DENND3: variants seen among roughly 807,000 people sequenced by gnomAD.
The protein encoded by DENND3 is DENN domain-containing protein 3.
A neutral mutation model predicts 135.1 loss-of-function variants in DENND3; 88 were observed. The observed-to-expected ratio is 0.65, with a 90% CI of 0.55 to 0.78. DENND3 has a LOEUF of 0.78. DENND3 is among the 30% of genes least tolerant of loss of function. DENND3 has a pLI of 0.00. For missense variants in DENND3, 1,392 were observed against 1,688.4 expected (o/e 0.82, Z 3.08); for synonymous variants, 693 against 712.3 (o/e 0.97, Z 0.43).
At chr8:141,189,439 C>T (rs917175343) in intron 19 of DENND3, among the ~76,000 whole-genome samples, 7 of 152,250 alleles carry the variant, frequency 4.6e-5, no homozygotes, top group Non-Finnish European at 8.8e-5. Flanking sequence ...AGGGCACAGC[C>T]TCCCAGAGGT....
rs575423208 is a variant in DENND3, at chr8:141,136,702, T to C, written c.296T>C (p.Leu99Pro). The change falls in exon 2 of 23, where the codon CTC becomes CCC. Residue 99 changes from leucine to proline, a missense_variant. Leu to Pro is a moderately conservative substitution (Grantham distance 98). Transcript: ENST00000519811. Reference sequence around the variant, plus strand: ...CCCAGACCAGAGCAGTGGAAGGGCCTCCCGGGGCCCCCCAGAGCGCCAGAG... The same window carrying C: ...CCCAGACCAGAGCAGTGGAAGGGCCCCCCGGGGCCCCCCAGAGCGCCAGAG... The part of the protein sequence containing the change: ...EKPRPEQWKG[L>P]PGPPRAPEPE... 4 of 1,612,674 alleles carry C rather than the reference T, an allele frequency of 2.5e-6. No homozygotes were observed. The Admixed American group carries it at 6.7e-5, about 27-fold the overall frequency.
Position 141,194,277 on chromosome 8 carries a change from G to T in DENND3, c.*44G>T. ...AGTGGAACTGTGCCCTATGTGTGGG[G>T]ACTGGCTGCCCCCTAGAGCCTGCCA... On this transcript the variant is annotated 3_prime_UTR_variant, in exon 23 of 23. Coordinates refer to ENST00000519811, the MANE Select transcript of DENND3 (RefSeq NM_001352890.3). 2 of 1,591,024 alleles carry T rather than the reference G, an allele frequency of 1.3e-6. No homozygotes were observed. The highest frequency in any genetic ancestry group is 1.1e-5 in the South Asian group (1 of 87,776).
rs1442457686 is a variant in DENND3 at position 141,186,385 on chromosome 8, C to A, written c.3084+1107C>A. ...AGGGCCCAGCAAAACTCAGTGTCCA[C>A]TCGTCACACATTATTCCTCTCACTT... On this transcript the variant is annotated intron_variant, in intron 18 of 22. Transcript: ENST00000519811. 3.9e-5 allele frequency among the ~76,000 whole-genome samples: 6 copies of A among 152,340 alleles called. No homozygotes were observed. In the East Asian group the frequency reaches 1.2e-3, roughly 29 times the overall value.
Position 141,154,526 on chromosome 8 carries a change from A to G in DENND3, c.1075-1323A>G, listed in dbSNP as rs1216309294. ...TGCAGTGTTTGTTCCAGGGTAGGAG[A>G]AACCTTGTCAACAACATGTATTGGA... On this transcript the variant is annotated intron_variant, in intron 7 of 22. Transcript: ENST00000519811. This position sits in a 1 kb window ranked among gnomAD's most constrained non-coding sequence, Gnocchi z 4.4. Among the ~76,000 whole-genome samples the G allele has an allele frequency of 6.6e-6, 1 of 151,892 alleles. No homozygotes were observed. Among genetic ancestry groups the G allele is most frequent in the Non-Finnish European group, 1.5e-5 (1 of 67,984 alleles).
At position 141,137,735 on chromosome 8, in the gene DENND3, G is replaced by A. The variant is rs912067752; in HGVS notation, c.386-287G>A. ...AACTTGGTGCTATTTCCTGGTCACA[G>A]GGATTATAAACCTGGGACAGGCGCC... On this transcript the variant is annotated intron_variant, in intron 2 of 22. Transcript: ENST00000519811. This position sits in a 1 kb window ranked among gnomAD's most constrained non-coding sequence, Gnocchi z 4.1. 5.3e-5 allele frequency among the ~76,000 whole-genome samples: 8 copies of A among 152,242 alleles called. No individual in the cohort carries two copies. The highest frequency in any genetic ancestry group is 1.7e-4 in the African/African-American group (7 of 41,462).
rs1465503164 is a variant in DENND3, at chr8:141,168,255, C to T, written c.2005C>T (p.Arg669Trp). 5.6e-6 allele frequency: 9 copies of T among 1,614,006 alleles called. No homozygotes were observed. Among genetic ancestry groups the T allele is most frequent in the Non-Finnish European group, 5.9e-6 (7 of 1,180,030 alleles). The change falls in exon 13 of 23, where the codon CGG (arginine) becomes TGG (tryptophan). Residue 669 changes from arginine to tryptophan, a missense_variant. Physicochemically the swap from Arg to Trp is moderately radical, Grantham distance 101. Transcript: ENST00000519811. The surrounding 1 kb of genome is among the most constrained non-coding windows in gnomAD (Gnocchi z 6.2). Reference protein sequence around the residue: ...DFQNLYKTDIRIFPTDLVKRT... With the variant: ...DFQNLYKTDIWIFPTDLVKRT... The stretch of plus-strand genomic sequence containing the variant: ...CCAGAATCTGTATAAAACAGACATA[C>T]GGATCTTTCCCACTGATTTGGTGAA...
At position 141,139,182 on chromosome 8, in the gene DENND3, C is replaced by T. The variant is rs1288350973; in HGVS notation, c.501+1045C>T. On this transcript the variant is annotated intron_variant, in intron 3 of 22. Coordinates refer to ENST00000519811, the MANE Select transcript of DENND3 (RefSeq NM_001352890.3). This position sits in a 1 kb window ranked among gnomAD's most constrained non-coding sequence, Gnocchi z 4.2. ...GGGAAGTCTGTGAGTTCCATGCAGT[C>T]GAGAGAAATGGCTGGCCTGGATTCC... Among the ~76,000 whole-genome samples the T allele has an allele frequency of 1.3e-5, 2 of 152,084 alleles. No homozygotes were observed. The highest frequency in any genetic ancestry group is 4.8e-5 in the African/African-American group (2 of 41,392).
chr8:141,136,170 G>A (rs1816763655), intron 1 of DENND3, among the ~76,000 whole-genome samples: 1 of 152,228 alleles, frequency 6.6e-6, no homozygotes, highest in South Asian at 2.1e-4. Context: ...GAAGCTTGCT[G>A]TCAGGAGGTG....
chr8:141,169,585 C>A (rs1311680940), intron 13 of DENND3, among the ~76,000 whole-genome samples: 1 of 152,210 alleles, frequency 6.6e-6, no homozygotes, highest in Non-Finnish European at 1.5e-5. Flanking sequence ...GTGCTTAGAC[C>A]CAGCGGGGGC....
chr8:141,188,071 G>A (rs1163458528), intron 18 of DENND3, among the ~76,000 whole-genome samples: 5 of 151,596 alleles, frequency 3.3e-5, no homozygotes, highest in Non-Finnish European at 7.4e-5. Context: ...GCCAGGCGTG[G>A]TGGCATCAGC....
At position 141,144,127 on chromosome 8, in the gene DENND3, G is replaced by A. The variant is rs369050051; in HGVS notation, c.624-21G>A. ...TTCTCATCTTTATTTTGCGGTTTGA[G>A]TTTTGTGTTTCGAATTTCAGTTTAT... On this transcript the variant is annotated intron_variant, in intron 4 of 22. Coordinates refer to ENST00000519811, the MANE Select transcript of DENND3 (RefSeq NM_001352890.3). This position sits in a 1 kb window ranked among gnomAD's most constrained non-coding sequence, Gnocchi z 4.4. 2.3e-5 allele frequency: 36 copies of A among 1,597,022 alleles called. No homozygotes were observed. The highest frequency in any genetic ancestry group is 2.8e-5 in the Non-Finnish European group (33 of 1,170,796).
chr8:141,138,813 C>G lies in DENND3; in HGVS notation c.501+676C>G, dbSNP rs559729482. On this transcript the variant is annotated intron_variant, in intron 3 of 22. Coordinates refer to ENST00000519811, the MANE Select transcript of DENND3 (RefSeq NM_001352890.3). The surrounding 1 kb of genome is among the most constrained non-coding windows in gnomAD (Gnocchi z 4.8). ...GTTTTGATGTTCATGTGCATGGGCG[C>G]GTGTGCCAGTGCCCCGTGGCCTTTT... 6.6e-6 allele frequency among the ~76,000 whole-genome samples: 1 copy of G among 152,220 alleles called. No homozygotes were observed. The highest frequency in any genetic ancestry group is 1.5e-5 in the Non-Finnish European group (1 of 68,036).
chr8:141,160,582 C>A, intron 8 of DENND3, 50 bp from the exon 9 acceptor site: 1 of 1,531,012 alleles, frequency 6.5e-7, no homozygotes, highest in Non-Finnish European at 8.8e-7. Context: ...GGTGAGCGGC[C>A]GTGGCCAGTG....
In DENND3 at chr8:141,172,834, C is replaced by G. The variant is rs142863792; in HGVS notation, c.2276-2366C>G. 2.9e-3 allele frequency among the ~76,000 whole-genome samples: 447 copies of G among 152,180 alleles called. 4 individuals are homozygous for G. Among genetic ancestry groups the G allele is most frequent in the African/African-American group, 0.01 (425 of 41,512 alleles). ...GCCCAGGCTAGAGGATGGCTTGAGC[C>G]CAGGAATTCGAGGCTGCAGTGAGCT... On this transcript the variant is annotated intron_variant, in intron 13 of 22. Transcript: ENST00000519811.
Position 141,185,147 on chromosome 8 carries a change from G to T in DENND3, c.2953G>T (p.Asp985Tyr). Residue 985 changes from aspartate to tyrosine, a missense_variant, in exon 18 of 23, where the codon GAC becomes TAC. Asp to Tyr is a radical substitution (Grantham distance 160, BLOSUM62 -3). Coordinates refer to ENST00000519811, the MANE Select transcript of DENND3 (RefSeq NM_001352890.3). ...DVLLYTPGHL[D>Y]PAEKVEDAHP... Reference sequence around the variant, plus strand: ...GCTGCTCTCCTCTTTAGGGCATCTTGACCCAGCCGAAAAAGTTGAAGATGC... The same window carrying T: ...GCTGCTCTCCTCTTTAGGGCATCTTTACCCAGCCGAAAAAGTTGAAGATGC... 1.2e-6 allele frequency: 2 copies of T among 1,613,732 alleles called. No homozygotes were observed. Among genetic ancestry groups the T allele is most frequent in the Non-Finnish European group, 1.7e-6 (2 of 1,179,732 alleles).
intron 17 of DENND3, among the ~76,000 whole-genome samples, chr8:141,181,983 G>C (rs563273702): frequency 6.6e-6 from 1 of 150,498 alleles, no homozygotes; most frequent in African/African-American, 2.4e-5. Context: ...GTGTAGAGAC[G>C]GGGTTTCGCC....
intron 8 of DENND3, among the ~76,000 whole-genome samples, chr8:141,157,067 C>T (rs145478367): frequency 0.016 from 2,395 of 152,262 alleles, 21 homozygotes; most frequent in South Asian, 0.025. Flanking sequence ...CAGGCATGAA[C>T]CACTGTGCCC....
intron 5 of DENND3, among the ~76,000 whole-genome samples, chr8:141,148,690 C>G (rs1314296422): frequency 1.3e-5 from 2 of 152,026 alleles, no homozygotes; most frequent in African/African-American, 4.8e-5. Flanking sequence ...GCTGGAAAAT[C>G]TCTAGCATGC....
At chr8:141,169,892 CCACCTGTTTCACCATCAGTGGTGTCG>C (rs1209400993) in intron 13 of DENND3, among the ~76,000 whole-genome samples, 1 of 152,190 alleles carries the variant, frequency 6.6e-6, no homozygotes, top group African/African-American at 2.4e-5. Flanking sequence ...CACCATTTGT[CCACCTGTTTCACCATCAGTGGTGTCG>C]CACCTGTTTC....
Sources: gnomAD v4.1 joint callset for allele counts (sites outside exome capture counted in the v4.1 genomes callset) on GRCh38, gnomAD v4.1.1 for gene constraint, Gnocchi (gnomAD v3.1) non-coding constraint, MANE v1.5 for transcripts, NCBI Gene and HGNC (gene_info 2026-07-23, HGNC 2026-07-21) for gene names.